Variants in OPCML observed in about 807,000 individuals in gnomAD.
The protein encoded by OPCML is opioid binding protein/cell adhesion molecule like.
Under a neutral mutation model 37.8 loss-of-function variants are expected in OPCML, and 13 were observed. The observed-to-expected ratio is 0.34, with a 90% CI of 0.22 to 0.55. The LOEUF is 0.55. Among genes scored for constraint, OPCML ranks in the 20% least tolerant of loss-of-function variants. OPCML has a pLI of 0.91. For synonymous variants in OPCML, 176 were observed against 168.8 expected, an observed-to-expected ratio of 1.04 and a Z score of -0.33; for missense variants, 341 against 435.6, an observed-to-expected ratio of 0.78 and a Z score of 1.93.
chr11:132,625,076 A>G (rs1939657934), intron 3 of OPCML, among the ~76,000 whole-genome samples: 1 of 152,154 alleles, frequency 6.6e-6, no homozygotes, highest in Non-Finnish European at 1.5e-5. Flanking sequence ...CTTTTCTATT[A>G]TTTTGAATGG....
At chr11:132,592,766 G>A (rs1338207713) in intron 3 of OPCML, among the ~76,000 whole-genome samples, 1 of 152,194 alleles carries the variant, frequency 6.6e-6, no homozygotes, top group Admixed American at 6.5e-5. Flanking sequence ...AAAGATCAAA[G>A]GAAGACCCAC....
At chr11:132,506,989 A>T (rs997337984) in intron 4 of OPCML, among the ~76,000 whole-genome samples, 20 of 152,068 alleles carry the variant, frequency 1.3e-4, no homozygotes, top group Non-Finnish European at 4.4e-5. Context: ...TCTAAATCAG[A>T]CTAATACAAA....
chr11:132,505,282 C>G (rs2096254197), intron 4 of OPCML, among the ~76,000 whole-genome samples: 1 of 152,062 alleles, frequency 6.6e-6, no homozygotes, highest in African/African-American at 2.4e-5. Flanking sequence ...CACAAAAATT[C>G]CAGGAAGACC....
chr11:132,511,303 T>G (rs748869729), intron 4 of OPCML, among the ~76,000 whole-genome samples: 1 of 152,152 alleles, frequency 6.6e-6, no homozygotes, highest in African/African-American at 2.4e-5. Context: ...GAAGAATATA[T>G]TTTAAGGCTT....
chr11:133,524,373 A>G (rs1948449793), intron 1 of OPCML, among the ~76,000 whole-genome samples: 1 of 152,166 alleles, frequency 6.6e-6, no homozygotes, highest in South Asian at 2.1e-4. Flanking sequence ...TTGATTGACC[A>G]TTCATGACCT....
intron 4 of OPCML, among the ~76,000 whole-genome samples, chr11:132,494,662 A>AT (rs1592262918): frequency 6.6e-6 from 1 of 152,318 alleles, no homozygotes; most frequent in South Asian, 2.1e-4. Flanking sequence ...GATTTCTATG[A>AT]TTTTTTAATT....
chr11:133,268,715 GT>G (rs1941730690), intron 1 of OPCML, among the ~76,000 whole-genome samples: 2 of 152,192 alleles, frequency 1.3e-5, no homozygotes, highest in Admixed American at 6.5e-5. Context: ...TACTGAGCAA[GT>G]TAAATTCATC....
intron 1 of OPCML, among the ~76,000 whole-genome samples, chr11:133,027,484 TGTGTGTTG>T (rs1397238885): frequency 1.4e-5 from 2 of 146,276 alleles, no homozygotes; most frequent in East Asian, 2.0e-4. Context: ...TGTGTGTGTG[TGTGTGTTG>T]TGTGTGTGTG....
At chr11:133,184,196 A>G (rs1300803301) in intron 1 of OPCML, among the ~76,000 whole-genome samples, 1 of 152,224 alleles carries the variant, frequency 6.6e-6, no homozygotes, top group East Asian at 1.9e-4. Context: ...CTTAACACTT[A>G]CGGAATGCCC....
rs561241403 is a variant in OPCML at position 132,877,250 on chromosome 11, C to G, written c.146+65676G>C. On this transcript the variant is annotated intron_variant, in intron 2 of 7. Transcript: ENST00000524381. The stretch of plus-strand genomic sequence containing the variant: ...GTTCAATTCTGAAATTCCCGGTCAG[C>G]ATTTTTGATGGCAGTCATTGACAGG... Among the ~76,000 whole-genome samples the G allele has an allele frequency of 3.9e-5, 6 of 152,250 alleles. No individual in the cohort carries two copies. In the East Asian group the frequency reaches 1.2e-3, roughly 29 times the overall value.
intron 1 of OPCML, among the ~76,000 whole-genome samples, chr11:133,337,449 C>T (rs1416694460): frequency 2.0e-5 from 3 of 152,192 alleles, no homozygotes; most frequent in Admixed American, 1.3e-4. Flanking sequence ...GCAGGATCCG[C>T]TGCAGGGCCA....
intron 2 of OPCML, among the ~76,000 whole-genome samples, chr11:132,672,497 A>T (rs1045094228): frequency 2.6e-5 from 4 of 152,136 alleles, no homozygotes; most frequent in Admixed American, 1.3e-4. Flanking sequence ...GAAGCGGCTT[A>T]AATCAAACAC....
At chr11:133,005,537 C>T in intron 1 of OPCML, 1 of 985,302 alleles carries the variant, frequency 1.0e-6, no homozygotes. Context: ...TCTGCATTTC[C>T]ATAGCTAAGA....
rs1167533679 is a variant in OPCML at position 132,416,037 on chromosome 11, C to A, written c.*4156G>T. 3 of 152,470 alleles carry A rather than the reference C, an allele frequency of 2.0e-5. No homozygotes were observed. The highest frequency in any genetic ancestry group is 3.9e-4 in the East Asian group (2 of 5,180). The allele number at this position is 152,470 out of a possible 1,614,324, so 9.4% of individuals were successfully genotyped here. A position where few individuals can be genotyped will look rare whatever the true frequency, so the allele number is the denominator to read the frequency against. ...AAGCTCTGAATAATAGGAGGGGAGG[C>A]AATTGGGTATAAGAGTTTCCAAGAT... On this transcript the variant is annotated 3_prime_UTR_variant, in exon 8 of 8. Coordinates refer to ENST00000524381, the MANE Select transcript of OPCML (RefSeq NM_001012393.5).
At chr11:133,312,312 A>G (rs1382911537) in intron 1 of OPCML, among the ~76,000 whole-genome samples, 1 of 152,210 alleles carries the variant, frequency 6.6e-6, no homozygotes, top group Non-Finnish European at 1.5e-5. Flanking sequence ...CATCACTACT[A>G]TCACAAAGGA....
Position 132,947,231 on chromosome 11 carries a change from C to T in OPCML, c.62-4221G>A, listed in dbSNP as rs118092361. Among the ~76,000 whole-genome samples the T allele has an allele frequency of 6.8e-3, 1,036 of 152,200 alleles. 8 individuals are homozygous for T. Among genetic ancestry groups the T allele is most frequent in the Non-Finnish European group, 0.012 (789 of 68,030 alleles). ...AAAGGCTAGGACAGCATGAGGTTCC[C>T]GATAGGAAAAGAATGGCTGAGGCAA... is the stretch of plus-strand genomic sequence containing the variant. On this transcript the variant is annotated intron_variant, in intron 1 of 7. Coordinates refer to ENST00000524381, the MANE Select transcript of OPCML (RefSeq NM_001012393.5).
chr11:132,996,489 G>T (rs1461633072), intron 1 of OPCML, among the ~76,000 whole-genome samples: 1 of 151,124 alleles, frequency 6.6e-6, no homozygotes, highest in African/African-American at 2.4e-5. Context: ...TTAGCTGGGC[G>T]TAGTCCCAGC....
chr11:132,708,235 G>C (rs1207744748), intron 2 of OPCML, among the ~76,000 whole-genome samples: 1 of 152,166 alleles, frequency 6.6e-6, no homozygotes, highest in Non-Finnish European at 1.5e-5. Context: ...CTATTGTACA[G>C]TTATGTAACT....
At chr11:133,138,062 T>C (rs533569498) in intron 1 of OPCML, among the ~76,000 whole-genome samples, 1 of 152,284 alleles carries the variant, frequency 6.6e-6, no homozygotes, top group East Asian at 1.9e-4. Flanking sequence ...GGGAGGTGTT[T>C]GGGTCCTGGG....
Sources: allele counts gnomAD v4.1 joint callset (sites outside exome capture counted in the v4.1 genomes callset), GRCh38; gene constraint gnomAD v4.1.1; transcripts MANE v1.5; gene names NCBI Gene and HGNC (gene_info 2026-07-23, HGNC 2026-07-21).